The following GRIA4 variants were observed in gnomAD, a reference collection of about 807,000 sequenced individuals.
GRIA4 encodes glutamate receptor 4.
In GRIA4, 34 loss-of-function variants were observed where a neutral mutation model predicts 104.0. The ratio of observed to expected loss-of-function variants is 0.33; its 90% confidence interval spans 0.25 to 0.44. The LOEUF (loss-of-function observed/expected upper bound fraction) is 0.44, where lower values mean the gene tolerates loss of function less well. Among genes scored for constraint, GRIA4 ranks in the 20% least tolerant of loss-of-function variants. The pLI is 1.00. For missense variants in GRIA4, 750 were observed against 1,096.5 expected (o/e 0.68, Z 4.46); for synonymous variants, 386 against 381.9 (o/e 1.01, Z -0.13).
chr11:105,751,986 C>T lies in GRIA4; in HGVS notation c.248-995C>T, dbSNP rs1940024884. ...GGACTGTTAGCCATACATGATAAACCATAAGAATTTGGAATCCAAATAGAT... is the reference window on the plus strand; with the variant it reads ...GGACTGTTAGCCATACATGATAAACTATAAGAATTTGGAATCCAAATAGAT... On this transcript the variant is annotated intron_variant, in intron 3 of 16. Transcript: ENST00000282499. 2.0e-5 allele frequency among the ~76,000 whole-genome samples: 3 copies of T among 152,092 alleles called. No individual in the cohort carries two copies. In the South Asian group the frequency reaches 6.2e-4, roughly 31 times the overall value.
intron 11 of GRIA4, among the ~76,000 whole-genome samples, chr11:105,923,634 G>A (rs1254082383): frequency 6.6e-6 from 1 of 152,152 alleles, no homozygotes; most frequent in Non-Finnish European, 1.5e-5. Context: ...TCATTTTATA[G>A]CTGTAGAAAC....
intron 4 of GRIA4, among the ~76,000 whole-genome samples, chr11:105,794,469 GTATGTATA>G (rs1257718235): frequency 0.02 from 799 of 40,744 alleles, 47 homozygotes; most frequent in African/African-American, 0.043. Context: ...GTGTGTATAT[GTATGTATA>G]TATATATATA....
At chr11:105,823,632 T>A (rs938897096) in intron 4 of GRIA4, among the ~76,000 whole-genome samples, 4 of 152,098 alleles carry the variant, frequency 2.6e-5, no homozygotes, top group Non-Finnish European at 5.9e-5. Context: ...TTCTAAGTCT[T>A]GGCATAATGA....
intron 14 of GRIA4, among the ~76,000 whole-genome samples, chr11:105,940,403 T>C (rs1948154686): frequency 6.6e-6 from 1 of 151,812 alleles, no homozygotes; most frequent in Non-Finnish European, 1.5e-5. Context: ...AAATAAAGAA[T>C]AGAGGGAGGA....
At chr11:105,662,879 C>T (rs1227225308) in intron 3 of GRIA4, among the ~76,000 whole-genome samples, 1 of 151,852 alleles carries the variant, frequency 6.6e-6, no homozygotes, top group Non-Finnish European at 1.5e-5. Context: ...CCTCTGTGTT[C>T]TTTAAACTCC....
intron 9 of GRIA4, among the ~76,000 whole-genome samples, chr11:105,906,565 T>C (rs1947047489): frequency 6.6e-6 from 1 of 152,148 alleles, no homozygotes; most frequent in South Asian, 2.1e-4. Flanking sequence ...TGGGTGTGCT[T>C]CTGTATCTGT....
chr11:105,701,891 A>G (rs924159288), intron 3 of GRIA4, among the ~76,000 whole-genome samples: 1 of 152,190 alleles, frequency 6.6e-6, no homozygotes, highest in Admixed American at 6.6e-5. Context: ...TGAATAGTAG[A>G]TATTTGATCA....
At chr11:105,779,991 A>C (rs1941654063) in intron 4 of GRIA4, among the ~76,000 whole-genome samples, 1 of 152,172 alleles carries the variant, frequency 6.6e-6, no homozygotes, top group African/African-American at 2.4e-5. Flanking sequence ...AAAGGGTAAA[A>C]GTATTAAGAT....
intron 3 of GRIA4, among the ~76,000 whole-genome samples, chr11:105,721,194 A>G (rs1937790014): frequency 6.6e-6 from 1 of 152,196 alleles, no homozygotes; most frequent in Non-Finnish European, 1.5e-5. Context: ...TGAGAGATTC[A>G]TTGCAAAAAT....
intron 3 of GRIA4, among the ~76,000 whole-genome samples, chr11:105,726,560 C>T (rs892937406): frequency 6.6e-6 from 1 of 152,178 alleles, no homozygotes. Flanking sequence ...CAGACTTCTT[C>T]CTCAAGTGGG....
At chr11:105,740,517 A>C (rs953569268) in intron 3 of GRIA4, among the ~76,000 whole-genome samples, 1 of 152,242 alleles carries the variant, frequency 6.6e-6, no homozygotes, top group African/African-American at 2.4e-5. Flanking sequence ...ATGTCAGTGA[A>C]AAACAATCCA....
At position 105,611,456 on chromosome 11, in the gene GRIA4, GA is replaced by G. The variant is rs200157578; in HGVS notation, c.88+381del. Among the ~76,000 whole-genome samples, 141 of 147,900 alleles carry G rather than the reference GA, an allele frequency of 9.5e-4. 1 individual carries two copies. Among genetic ancestry groups the G allele is most frequent in the Middle Eastern group, 3.5e-3 (1 of 288 alleles). ...AGTGATGTCGAGTTTGTTTAAAAAA[GA>G]AAAAAAAAATCCACTTCTTCCCATT... On this transcript the variant is annotated intron_variant, in intron 2 of 16. Coordinates refer to ENST00000282499, the MANE Select transcript of GRIA4 (RefSeq NM_000829.4).
chr11:105,789,805 T>C (rs927486971), intron 4 of GRIA4, among the ~76,000 whole-genome samples: 2 of 152,220 alleles, frequency 1.3e-5, no homozygotes, highest in Admixed American at 1.3e-4. Context: ...TAAGTGGATG[T>C]CTTTAAATTC....
rs1565331531 is a variant in GRIA4 at position 105,905,100 on chromosome 11, T to C, written c.1054-97T>C. 4.3e-6 allele frequency: 3 copies of C among 696,990 alleles called. No individual in the cohort carries two copies. In the East Asian group the frequency reaches 7.5e-5, roughly 17 times the overall value. The allele number at this position is 696,990 out of a possible 1,614,324, so 43.2% of individuals were successfully genotyped here. A position where few individuals can be genotyped will look rare whatever the true frequency, so the allele number is the denominator to read the frequency against. On this transcript the variant is annotated intron_variant, in intron 8 of 16. Transcript: ENST00000282499. Reference sequence around the variant, plus strand: ...TCAGTTAGTTGGTTATAGTTTATAGTTCTACTTTTTTAAGTAGTTATAAGC... The same window carrying C: ...TCAGTTAGTTGGTTATAGTTTATAGCTCTACTTTTTTAAGTAGTTATAAGC...
At chr11:105,685,909 A>G (rs1435334917) in intron 3 of GRIA4, among the ~76,000 whole-genome samples, 4 of 152,130 alleles carry the variant, frequency 2.6e-5, no homozygotes, top group Admixed American at 2.6e-4. Context: ...AACAATAAAC[A>G]TTTTTTAAGT....
At chr11:105,698,317 T>G (rs927420725) in intron 3 of GRIA4, among the ~76,000 whole-genome samples, 7 of 152,240 alleles carry the variant, frequency 4.6e-5, no homozygotes, top group Admixed American at 2.0e-4. Flanking sequence ...ATCATAATAC[T>G]GCCTAAAGTA....
intron 4 of GRIA4, among the ~76,000 whole-genome samples, chr11:105,839,120 T>C (rs1944296504): frequency 2.0e-5 from 3 of 152,224 alleles, no homozygotes; most frequent in Non-Finnish European, 1.5e-5. Context: ...GTTCCCTTCC[T>C]GTCTGACATT....
At chr11:105,712,968 G>C (rs765890377) in intron 3 of GRIA4, among the ~76,000 whole-genome samples, 2 of 152,048 alleles carry the variant, frequency 1.3e-5, no homozygotes, top group African/African-American at 2.4e-5. Flanking sequence ...TTTAATACAT[G>C]ATGAGATATT....
intron 4 of GRIA4, among the ~76,000 whole-genome samples, chr11:105,799,384 G>A (rs56739822): frequency 0.03 from 4,582 of 152,096 alleles, 138 homozygotes; most frequent in African/African-American, 0.077. Flanking sequence ...AAGTAGTTTC[G>A]ATGTCAAGAG....
Sources: gnomAD v4.1 joint callset for allele counts (sites outside exome capture counted in the v4.1 genomes callset) on GRCh38, gnomAD v4.1.1 for gene constraint, MANE v1.5 for transcripts, NCBI Gene and HGNC (gene_info 2026-07-23, HGNC 2026-07-21) for gene names.